Variants in CD3G observed in about 807,000 individuals in gnomAD.
CD3G encodes the protein T-cell surface glycoprotein CD3 gamma chain.
Under a neutral mutation model 28.3 loss-of-function variants are expected in CD3G, and 24 were observed. The observed-to-expected ratio is 0.85, with a 90% CI of 0.61 to 1.19. The LOEUF is 1.19. Ranked by LOEUF, CD3G falls within the 50% of genes most tolerant of loss-of-function variation. The probability of loss-of-function intolerance (pLI) is 0.00; values close to 1 mark genes in which losing one functional copy is unlikely to be tolerated. For missense variants in CD3G, 211 were observed against 210.0 expected (o/e 1.00, Z -0.03); for synonymous variants, 71 against 75.9 (o/e 0.93, Z 0.34).
intron 1 of CD3G, among the ~76,000 whole-genome samples, chr11:118,346,202 G>A (rs1948354375): frequency 6.6e-6 from 1 of 152,180 alleles, no homozygotes; most frequent in Non-Finnish European, 1.5e-5. Context: ...GGGAGGTCGA[G>A]GCAGGTGGAT....
chr11:118,349,064 C>T lies in CD3G; in HGVS notation c.79+14C>T. On this transcript the variant is annotated intron_variant, in intron 2 of 6. Coordinates refer to ENST00000532917, the MANE Select transcript of CD3G (RefSeq NM_000073.3). Reference sequence around the variant, plus strand: ...AGTCAATCAAAGGTAGGAGAAATGGCTTCTTTCTATACTCAGACTCAGAAT... The same window carrying T: ...AGTCAATCAAAGGTAGGAGAAATGGTTTCTTTCTATACTCAGACTCAGAAT... 1 of 1,614,086 alleles carries T rather than the reference C, an allele frequency of 6.2e-7. No homozygotes were observed. Among genetic ancestry groups the T allele is most frequent in the Non-Finnish European group, 8.5e-7 (1 of 1,179,966 alleles).
chr11:118,351,186 C>CAAA (rs34109639), intron 4 of CD3G, among the ~76,000 whole-genome samples: 6,615 of 70,396 alleles, frequency 0.094, 338 homozygotes, highest in Non-Finnish European at 0.12. Flanking sequence ...GACTCCGTCT[C>CAAA]AAAAAAAAAA....
At position 118,351,632 on chromosome 11, in the gene CD3G, A is replaced by C. The variant is rs200126162; in HGVS notation, c.444A>C (p.Ser148=). The C allele has an allele frequency of 5.6e-6, 9 of 1,614,024 alleles. No homozygotes were observed. Among genetic ancestry groups the C allele is most frequent in the Middle Eastern group, 1.6e-4 (1 of 6,062 alleles). The change falls in exon 5 of 7, where the codon TCA becomes TCC. Residue 148 remains serine (S), a synonymous_variant. Coordinates refer to ENST00000532917, the MANE Select transcript of CD3G (RefSeq NM_000073.3). ...GQDGVRQSRA[S]DKQTLLPNDQ... ...TTCTGTTTCTTTTTTGTGCAGCTTC[A>C]GACAAGCAGACTCTGTTGCCCAATG...
At chr11:118,350,898 A>AC in intron 4 of CD3G, 1 of 1,235,914 alleles carries the variant, frequency 8.1e-7, no homozygotes, top group Non-Finnish European at 1.0e-6. Flanking sequence ...TGAAAAAAAA[A>AC]AAAAACAAAA....
chr11:118,345,152 G>A (rs1360136724), intron 1 of CD3G, among the ~76,000 whole-genome samples: 1 of 152,140 alleles, frequency 6.6e-6, no homozygotes, highest in Admixed American at 6.5e-5. Flanking sequence ...ATGTGAGGAA[G>A]AGGGAGCTGA....
intron 1 of CD3G, among the ~76,000 whole-genome samples, chr11:118,346,697 C>T (rs1184711076): frequency 6.6e-6 from 1 of 151,264 alleles, no homozygotes. Context: ...GCACTTATGC[C>T]AGCTACTTGG....
At position 118,349,738 on chromosome 11, in the gene CD3G, T is replaced by C. The variant is rs1447786300; in HGVS notation, c.80-5T>C. On this transcript the variant is annotated splice_region_variant and splice_polypyrimidine_tract_variant and intron_variant, in intron 2 of 6. Coordinates refer to ENST00000532917, the MANE Select transcript of CD3G (RefSeq NM_000073.3). ...TTAATAGAACCACGGCTTTTCTCAT[T>C]TCAGGAAACCACTTGGTTAAGGTGT... The C allele has an allele frequency of 6.2e-7, 1 of 1,610,886 alleles. No homozygotes were observed. Among genetic ancestry groups the C allele is most frequent in the Non-Finnish European group, 8.5e-7 (1 of 1,177,250 alleles).
chr11:118,354,057 G>A lies in CD3G; in HGVS notation c.*957G>A, dbSNP rs1948431410. On this transcript the variant is annotated 3_prime_UTR_variant, in exon 7 of 7. Transcript: ENST00000532917. ...TTTATTTAACCTGTTATCTATCAGT[G>A]GATATTTAAGTTGGTAGTTGGTTCC... is the stretch of plus-strand genomic sequence containing the variant. 6.6e-6 allele frequency: 1 copy of A among 152,008 alleles called. No homozygotes were observed. Among genetic ancestry groups the A allele is most frequent in the Non-Finnish European group, 1.5e-5 (1 of 67,982 alleles). The allele number at this position is 152,008 out of a possible 1,614,324, so 9.4% of individuals were successfully genotyped here.
chr11:118,349,353 G>A (rs184864509), intron 2 of CD3G: 2 of 1,230,144 alleles, frequency 1.6e-6, no homozygotes, highest in Admixed American at 3.1e-5. Context: ...CCTGACGTTA[G>A]TCTCTGTCAA....
intron 6 of CD3G, among the ~76,000 whole-genome samples, chr11:118,352,769 A>G (rs982871490): frequency 9.2e-5 from 14 of 152,136 alleles, no homozygotes; most frequent in African/African-American, 3.4e-4. Context: ...TGAATTTCTC[A>G]TTATCTACAC....
In CD3G at chr11:118,350,547, T is replaced by G. The variant is rs1948397290; in HGVS notation, c.308-5T>G. On this transcript the variant is annotated splice_region_variant and splice_polypyrimidine_tract_variant and intron_variant, in intron 3 of 6. Coordinates refer to ENST00000532917, the MANE Select transcript of CD3G (RefSeq NM_000073.3). ...CTGAAGGTTTGTCTCTCCTTTTCCC[T>G]ACAGTGTGTCAGAACTGCATTGAAC... 1.2e-6 allele frequency: 2 copies of G among 1,608,706 alleles called. No individual in the cohort carries two copies. The highest frequency in any genetic ancestry group is 1.7e-6 in the Non-Finnish European group (2 of 1,175,164).
rs1948426202 is a variant in CD3G, at chr11:118,353,444, T to C, written c.*344T>C. ...GGTTATAATTCACATGGCTCAAATA[T>C]TCAGTGAAAGCTCTCCCTCCACCGC... On this transcript the variant is annotated 3_prime_UTR_variant, in exon 7 of 7. Coordinates refer to ENST00000532917, the MANE Select transcript of CD3G (RefSeq NM_000073.3). The C allele has an allele frequency of 6.6e-6, 1 of 152,056 alleles. No homozygotes were observed. Among genetic ancestry groups the C allele is most frequent in the Non-Finnish European group, 1.5e-5 (1 of 68,014 alleles). The allele number at this position is 152,056 out of a possible 1,614,324, so 9.4% of individuals were successfully genotyped here. A position where few individuals can be genotyped will look rare whatever the true frequency, so the allele number is the denominator to read the frequency against.
At chr11:118,352,950 G>A (rs1948422824) in intron 6 of CD3G, among the ~76,000 whole-genome samples, 169 bp from the exon 7 acceptor site, 1 of 152,088 alleles carries the variant, frequency 6.6e-6, no homozygotes, top group African/African-American at 2.4e-5. Context: ...CACCTCCAGG[G>A]CAAAATCACC....
chr11:118,348,719 A>T (rs1374534132), intron 1 of CD3G, among the ~76,000 whole-genome samples: 1 of 152,210 alleles, frequency 6.6e-6, no homozygotes, highest in African/African-American at 2.4e-5. Flanking sequence ...AGTCATTGCC[A>T]TGCATAAACT....
At chr11:118,349,279 A>G (rs1948383788) in intron 2 of CD3G, 1 of 1,445,402 alleles carries the variant, frequency 6.9e-7, no homozygotes, top group Admixed American at 2.4e-5. Context: ...GCAGGACCCT[A>G]GTAGCTAGGG....
At chr11:118,352,951 C>T (rs1181790055) in intron 6 of CD3G, among the ~76,000 whole-genome samples, 168 bp from the exon 7 acceptor site, 1 of 152,210 alleles carries the variant, frequency 6.6e-6, no homozygotes, top group South Asian at 2.1e-4. Context: ...ACCTCCAGGG[C>T]AAAATCACCC....
At chr11:118,345,624 C>T (rs1204611867) in intron 1 of CD3G, among the ~76,000 whole-genome samples, 6 of 152,000 alleles carry the variant, frequency 3.9e-5, no homozygotes, top group Non-Finnish European at 8.8e-5. Context: ...CATTTCTAGG[C>T]TAAAGGAGAA....
Position 118,353,277 on chromosome 11 carries a change from T to C in CD3G, c.*177T>C, listed in dbSNP as rs932888194. The C allele has an allele frequency of 6.6e-6, 1 of 151,936 alleles. No individual in the cohort carries two copies. The highest frequency in any genetic ancestry group is 2.4e-5 in the African/African-American group (1 of 41,360). The allele number at this position is 151,936 out of a possible 1,614,324, so 9.4% of individuals were successfully genotyped here. A position where few individuals can be genotyped will look rare whatever the true frequency, so the allele number is the denominator to read the frequency against. ...AGAGCAAATTTGGGGGTTTCTCAAATAAAATAAAAATAAAAACAAATACTG... is the reference window on the plus strand; with the variant it reads ...AGAGCAAATTTGGGGGTTTCTCAAACAAAATAAAAATAAAAACAAATACTG... On this transcript the variant is annotated 3_prime_UTR_variant, in exon 7 of 7. Coordinates refer to ENST00000532917, the MANE Select transcript of CD3G (RefSeq NM_000073.3).
Position 118,354,150 on chromosome 11 carries a change from G to A in CD3G, c.*1050G>A, listed in dbSNP as rs749319941. The A allele has an allele frequency of 6.6e-6, 1 of 151,972 alleles. No individual in the cohort carries two copies. Among genetic ancestry groups the A allele is most frequent in the East Asian group, 1.9e-4 (1 of 5,190 alleles). The allele number at this position is 151,972 out of a possible 1,614,324, so 9.4% of individuals were successfully genotyped here. On this transcript the variant is annotated 3_prime_UTR_variant, in exon 7 of 7. Transcript: ENST00000532917. ...ATAAATATCATTTTTAAAAATAATT[G>A]CATTGAAGCATAATGTACATGCCAT...
Sources: gnomAD v4.1 joint callset for allele counts (sites outside exome capture counted in the v4.1 genomes callset) on GRCh38, gnomAD v4.1.1 for gene constraint, MANE v1.5 for transcripts, NCBI Gene and HGNC (gene_info 2026-07-23, HGNC 2026-07-21) for gene names.